Variants in SMAD6 observed in about 807,000 individuals in gnomAD.
The protein encoded by SMAD6 is MAD homolog 6.
In SMAD6, 103 loss-of-function variants were observed where a neutral mutation model predicts 39.4. The observed-to-expected ratio is 2.62, with a 90% CI of 2.23 to 3.08. The LOEUF is 3.08. Among genes scored for constraint, SMAD6 ranks in the 30% most tolerant of loss-of-function variants. The pLI is 0.00. For missense variants in SMAD6, 1,104 were observed against 742.9 expected, an observed-to-expected ratio of 1.49 and a Z score of -5.65; for synonymous variants, 445 against 353.3, an observed-to-expected ratio of 1.26 and a Z score of -2.91.
Position 66,781,260 on chromosome 15 carries a change from G to T in SMAD6, c.1216G>T (p.Gly406Cys), listed in dbSNP as rs539298543. The change falls in exon 4 of 4, where the codon GGC (glycine) becomes TGC (cysteine). Residue 406 changes from glycine to cysteine, a missense_variant. By Grantham distance (159) the Gly-to-Cys change is radical (BLOSUM62 -3). Transcript: ENST00000288840. Reference sequence around the variant, plus strand: ...CGACGGCGTGTGGGCCTACAACCGCGGCGAGCACCCCATCTTCGTCAACTC... The same window carrying T: ...CGACGGCGTGTGGGCCTACAACCGCTGCGAGCACCCCATCTTCGTCAACTC... Reference protein sequence around the residue: ...EPDGVWAYNRGEHPIFVNSPT... With the variant: ...EPDGVWAYNRCEHPIFVNSPT... 2 of 1,607,974 alleles carry T rather than the reference G, an allele frequency of 1.2e-6. No individual in the cohort carries two copies. The highest frequency in any genetic ancestry group is 1.7e-6 in the Non-Finnish European group (2 of 1,179,164).
chr15:66,727,227 C>T lies in SMAD6; in HGVS notation c.952+10729C>T, dbSNP rs551498771. Among the ~76,000 whole-genome samples, 17 of 152,136 alleles carry T rather than the reference C, an allele frequency of 1.1e-4. No individual in the cohort carries two copies. In the South Asian group the frequency reaches 3.5e-3, roughly 32 times the overall value. On this transcript the variant is annotated intron_variant, in intron 3 of 3. Coordinates refer to ENST00000288840, the MANE Select transcript of SMAD6 (RefSeq NM_005585.5). Reference sequence around the variant, plus strand: ...AAGTGATTCTCCTCTCTCAGCCTCCCGAGTAGCTGGGACTACAAGCGTGCG... The same window carrying T: ...AAGTGATTCTCCTCTCTCAGCCTCCTGAGTAGCTGGGACTACAAGCGTGCG...
chr15:66,729,371 G>T (rs1014857254), intron 3 of SMAD6, among the ~76,000 whole-genome samples: 1 of 152,232 alleles, frequency 6.6e-6, no homozygotes, highest in African/African-American at 2.4e-5. Context: ...CATTGGAAAA[G>T]AAGTGTGTTT....
intron 3 of SMAD6, among the ~76,000 whole-genome samples, chr15:66,756,605 T>G (rs1270826405): frequency 6.6e-6 from 1 of 152,234 alleles, no homozygotes; most frequent in Non-Finnish European, 1.5e-5. Flanking sequence ...TCGTTCTGTC[T>G]GCCCTCCCCT....
At chr15:66,726,906 C>T (rs1379749313) in intron 3 of SMAD6, among the ~76,000 whole-genome samples, 5 of 151,700 alleles carry the variant, frequency 3.3e-5, no homozygotes, top group Admixed American at 2.0e-4. Flanking sequence ...GACTCTAATG[C>T]GCAGCCTGGG....
chr15:66,729,093 G>A (rs945331297), intron 3 of SMAD6, among the ~76,000 whole-genome samples: 1 of 152,174 alleles, frequency 6.6e-6, no homozygotes, highest in African/African-American at 2.4e-5. Flanking sequence ...GGCAGTGCCT[G>A]TGCTTGGTCC....
At chr15:66,704,117 C>T in intron 1 of SMAD6, 42 bp downstream of exon 1, 1 of 1,341,036 alleles carries the variant, frequency 7.5e-7, no homozygotes, top group Non-Finnish European at 9.7e-7. Context: ...GGGTCCCCGT[C>T]CCCATCCCCT....
At chr15:66,727,102 CT>C (rs35592663) in intron 3 of SMAD6, among the ~76,000 whole-genome samples, 71,991 of 141,070 alleles carry the variant, frequency 0.51, 17,721 homozygotes, top group African/African-American at 0.59. Flanking sequence ...TCTTCTTCTT[CT>C]TTTTTTTTTT....
rs921415389 is a variant in SMAD6 at position 66,702,345 on chromosome 15, G to A, written c.-914G>A. Reference sequence around the variant, plus strand: ...GAGCCGAGCGGGGGAGCGATCGAGGGAGCTGAGCCGAGAGAAAGAGCCGCC... The same window carrying A: ...GAGCCGAGCGGGGGAGCGATCGAGGAAGCTGAGCCGAGAGAAAGAGCCGCC... On this transcript the variant is annotated 5_prime_UTR_variant, in exon 1 of 4. Coordinates refer to ENST00000288840, the MANE Select transcript of SMAD6 (RefSeq NM_005585.5). 3.9e-5 allele frequency: 6 copies of A among 152,054 alleles called. No individual in the cohort carries two copies. The highest frequency in any genetic ancestry group is 1.5e-4 in the African/African-American group (6 of 41,358). The allele number at this position is 152,054 out of a possible 1,614,324, so 9.4% of individuals were successfully genotyped here. A position where few individuals can be genotyped will look rare whatever the true frequency, so the allele number is the denominator to read the frequency against.
At position 66,782,397 on chromosome 15, in the gene SMAD6, A is replaced by T. The variant is rs1488221668; in HGVS notation, c.*862A>T. ...TTTGTGGAAATGGCCTGGGGAACAA[A>T]GACTGAAATGGGCCTTGAGCCCACC... On this transcript the variant is annotated 3_prime_UTR_variant, in exon 4 of 4. Transcript: ENST00000288840. The T allele has an allele frequency of 6.5e-6, 1 of 152,784 alleles. No individual in the cohort carries two copies. The highest frequency in any genetic ancestry group is 2.1e-4 in the South Asian group (1 of 4,834). The allele number at this position is 152,784 out of a possible 1,614,324, so 9.5% of individuals were successfully genotyped here.
chr15:66,782,307 C>T lies in SMAD6; in HGVS notation c.*772C>T, dbSNP rs1767094802. 1 of 179,514 alleles carries T rather than the reference C, an allele frequency of 5.6e-6. No individual in the cohort carries two copies. The highest frequency in any genetic ancestry group is 1.1e-5 in the Non-Finnish European group (1 of 87,190). The allele number at this position is 179,514 out of a possible 1,614,324, so 11.1% of individuals were successfully genotyped here. A position where few individuals can be genotyped will look rare whatever the true frequency, so the allele number is the denominator to read the frequency against. On this transcript the variant is annotated 3_prime_UTR_variant, in exon 4 of 4. Coordinates refer to ENST00000288840, the MANE Select transcript of SMAD6 (RefSeq NM_005585.5). ...AGGTTCATGCCCTAGCCTAGAAAGGCCCAGGTCCATGCCCCCCATCTTTGA... is the reference window on the plus strand; with the variant it reads ...AGGTTCATGCCCTAGCCTAGAAAGGTCCAGGTCCATGCCCCCCATCTTTGA...
chr15:66,714,413 A>G (rs749249394), intron 2 of SMAD6, among the ~76,000 whole-genome samples: 55 of 152,228 alleles, frequency 3.6e-4, no homozygotes, highest in Non-Finnish European at 6.5e-4. Flanking sequence ...GAAGCATAAT[A>G]TTTTGTGACA....
chr15:66,706,306 C>T (rs913302078), intron 1 of SMAD6: 2 of 152,222 alleles, frequency 1.3e-5, no homozygotes, highest in African/African-American at 4.8e-5. Flanking sequence ...GGACTTGATT[C>T]CCCTCCTTCT....
chr15:66,704,119 C>G, intron 1 of SMAD6, 44 bp downstream of exon 1: 1 of 1,335,716 alleles, frequency 7.5e-7, no homozygotes, highest in Non-Finnish European at 9.7e-7. Context: ...GTCCCCGTCC[C>G]CATCCCCTTC....
At chr15:66,753,965 C>T (rs1894053778) in intron 3 of SMAD6, among the ~76,000 whole-genome samples, 1 of 152,224 alleles carries the variant, frequency 6.6e-6, no homozygotes, top group African/African-American at 2.4e-5. Flanking sequence ...CAGATGTCAC[C>T]TCTACAGGAG....
At chr15:66,711,587 A>C (rs1893227073) in intron 1 of SMAD6, 81 bp from the exon 2 acceptor site, 3 of 1,086,194 alleles carry the variant, frequency 2.8e-6, no homozygotes, top group Non-Finnish European at 4.3e-6. Context: ...ATTATTTGGG[A>C]AACCAGTAAT....
intron 3 of SMAD6, among the ~76,000 whole-genome samples, chr15:66,765,668 C>T (rs1894275672): frequency 6.6e-6 from 1 of 152,150 alleles, no homozygotes; most frequent in African/African-American, 2.4e-5. Flanking sequence ...GAAGATCTCC[C>T]CATTTCACAG....
intron 3 of SMAD6, among the ~76,000 whole-genome samples, chr15:66,731,437 C>A (rs1054696214): frequency 5.0e-3 from 636 of 126,618 alleles, no homozygotes; most frequent in Admixed American, 5.8e-3. Context: ...GACTCCGTCT[C>A]AAAAAAAAAA....
intron 3 of SMAD6, among the ~76,000 whole-genome samples, chr15:66,754,574 G>A (rs149203972): frequency 8.0e-4 from 122 of 152,284 alleles, no homozygotes; most frequent in African/African-American, 2.8e-3. Context: ...ATACCATTTA[G>A]TGATTTCTCT....
chr15:66,734,538 G>T (rs1334774131), intron 3 of SMAD6, among the ~76,000 whole-genome samples: 2 of 152,164 alleles, frequency 1.3e-5, no homozygotes, highest in Non-Finnish European at 2.9e-5. Flanking sequence ...TAAGTACTTG[G>T]CACTACCCTT....
Sources: allele counts gnomAD v4.1 joint callset (sites outside exome capture counted in the v4.1 genomes callset), GRCh38; gene constraint gnomAD v4.1.1; transcripts MANE v1.5; gene names NCBI Gene and HGNC (gene_info 2026-07-23, HGNC 2026-07-21).